The following RYR3 variants were observed in gnomAD, a reference collection of about 807,000 sequenced individuals.
RYR3 encodes the protein brain ryanodine receptor-calcium release channel.
RYR3 carries 207 observed loss-of-function variants against 584.3 expected under a neutral mutation model. The ratio of observed to expected loss-of-function variants is 0.35; its 90% CI spans 0.32 to 0.40. RYR3 has a LOEUF of 0.40. RYR3 is among the 10% of genes least tolerant of loss of function. The probability of loss-of-function intolerance (pLI) is 1.00; values close to 1 mark genes in which losing one functional copy is unlikely to be tolerated. For missense variants in RYR3, 5,616 were observed against 6,089.2 expected, an observed-to-expected ratio of 0.92 and a Z score of 2.59; for synonymous variants, 2,416 against 2,248.5, an observed-to-expected ratio of 1.07 and a Z score of -2.11.
chr15:33,716,977 A>C (rs542996436), intron 43 of RYR3, among the ~76,000 whole-genome samples: 2 of 152,200 alleles, frequency 1.3e-5, no homozygotes, highest in Admixed American at 1.3e-4. Flanking sequence ...GAGAATGCCC[A>C]TATTTTGTCA....
Position 33,426,294 on chromosome 15 carries a change from T to C in RYR3, c.52-47125T>C, listed in dbSNP as rs1015317333. On this transcript the variant is annotated intron_variant, in intron 1 of 103. Transcript: ENST00000634891. ...CTGAGTTGAAAAATGTTAATTTTTT[T>C]TAAGAAAACGTGGCAAATGTGGGCA... Among the ~76,000 whole-genome samples, 6 of 152,344 alleles carry C rather than the reference T, an allele frequency of 3.9e-5. No homozygotes were observed. The South Asian group carries it at 1.2e-3, about 32-fold the overall frequency.
At chr15:33,458,377 T>C (rs2047738195) in intron 1 of RYR3, among the ~76,000 whole-genome samples, 2 of 152,224 alleles carry the variant, frequency 1.3e-5, no homozygotes, top group South Asian at 4.1e-4. Context: ...TGGACCTTGT[T>C]GCTCCTGGTT....
At chr15:33,674,791 GA>G (rs10714497) in intron 38 of RYR3, among the ~76,000 whole-genome samples, 89,608 of 133,510 alleles carry the variant, frequency 0.67, 29,104 homozygotes, top group Non-Finnish European at 0.72. Context: ...CATTTTTAAT[GA>G]AAAAAAAAAA....
Position 33,768,644 on chromosome 15 carries a change from C to A in RYR3, c.8706-14C>A. On this transcript the variant is annotated splice_polypyrimidine_tract_variant and intron_variant, in intron 60 of 103. Transcript: ENST00000634891. Reference sequence around the variant, plus strand: ...TCTCTGTGACTTTCTGAATTGCTTTCTTTTCTGCTTCAGCCTGTTCTGCAA... The same window carrying A: ...TCTCTGTGACTTTCTGAATTGCTTTATTTTCTGCTTCAGCCTGTTCTGCAA... 1 of 1,613,658 alleles carries A rather than the reference C, an allele frequency of 6.2e-7. No homozygotes were observed. The highest frequency in any genetic ancestry group is 8.5e-7 in the Non-Finnish European group (1 of 1,179,576).
chr15:33,420,259 T>C (rs2044144041), intron 1 of RYR3, among the ~76,000 whole-genome samples: 1 of 152,022 alleles, frequency 6.6e-6, no homozygotes, highest in South Asian at 2.1e-4. Context: ...AAAGAAAATA[T>C]AATTGGGTTC....
chr15:33,638,017 C>G (rs1045352110), intron 27 of RYR3, among the ~76,000 whole-genome samples: 1 of 151,988 alleles, frequency 6.6e-6, no homozygotes, highest in African/African-American at 2.4e-5. Context: ...GTGTTCTCAT[C>G]CTTTCAAGGT....
At chr15:33,794,348 A>ACATATATAACATATATATATGTGT (rs369625654) in intron 67 of RYR3, among the ~76,000 whole-genome samples, 29 of 58,314 alleles carry the variant, frequency 5.0e-4, no homozygotes, top group Non-Finnish European at 9.8e-4. Flanking sequence ...TATATATAAA[A>ACATATATAACATATATATATGTGT]ATATATATAT....
chr15:33,839,295 G>A (rs889494582), intron 89 of RYR3, among the ~76,000 whole-genome samples: 6 of 152,182 alleles, frequency 3.9e-5, no homozygotes, highest in East Asian at 3.9e-4. Flanking sequence ...CACAGGAAAC[G>A]AAGAATAACA....
chr15:33,540,185 G>C (rs1342581262), intron 6 of RYR3, among the ~76,000 whole-genome samples: 1 of 152,152 alleles, frequency 6.6e-6, no homozygotes, highest in African/African-American at 2.4e-5. Context: ...ACGTTGTTTA[G>C]CTCTTGTTTA....
At chr15:33,646,299 G>C in intron 28 of RYR3, 52 bp from the exon 29 acceptor site, 1 of 1,500,904 alleles carries the variant, frequency 6.7e-7, no homozygotes, top group Non-Finnish European at 9.0e-7. Context: ...AAGGGACTGG[G>C]TCAAGGTCAG....
intron 3 of RYR3, among the ~76,000 whole-genome samples, chr15:33,520,699 A>G (rs1252199617): frequency 6.6e-6 from 1 of 152,062 alleles, no homozygotes. Context: ...TGCTCTTTTA[A>G]AAGACACCAT....
intron 1 of RYR3, among the ~76,000 whole-genome samples, chr15:33,404,310 G>A (rs774212538): frequency 6.6e-6 from 1 of 152,156 alleles, no homozygotes; most frequent in African/African-American, 2.4e-5. Context: ...TCTTTACAAT[G>A]ATTCTAAACG....
At chr15:33,720,864 A>T (rs2067853862) in intron 43 of RYR3, among the ~76,000 whole-genome samples, 1 of 142,126 alleles carries the variant, frequency 7.0e-6, no homozygotes, top group African/African-American at 2.5e-5. Flanking sequence ...ACAGAGCCAG[A>T]CCCTGTCTCT....
Position 33,453,799 on chromosome 15 carries a change from TG to T in RYR3, c.52-19619del, listed in dbSNP as rs570392655. 1.5e-3 allele frequency among the ~76,000 whole-genome samples: 228 copies of T among 152,284 alleles called. 1 individual carries two copies. The highest frequency in any genetic ancestry group is 5.1e-3 in the African/African-American group (213 of 41,564). On this transcript the variant is annotated intron_variant, in intron 1 of 103. Transcript: ENST00000634891. ...ACTAATGTCTTCCTGTGTTTTCATA[TG>T]AAAAAAAAGTTAATTTACAATCAAG...
intron 60 of RYR3, among the ~76,000 whole-genome samples, chr15:33,765,614 T>C (rs1347245689): frequency 1.9e-5 from 2 of 108,098 alleles, no homozygotes; most frequent in South Asian, 3.0e-4. Flanking sequence ...GCCTCGCCAA[T>C]AGAGTGAGAC....
At chr15:33,341,667 G>A (rs1259769946) in intron 1 of RYR3, among the ~76,000 whole-genome samples, 1 of 152,066 alleles carries the variant, frequency 6.6e-6, no homozygotes, top group African/African-American at 2.4e-5. Flanking sequence ...GTTGTAGGAT[G>A]TTAAAGGCTA....
chr15:33,578,756 A>C (rs2058433701), intron 12 of RYR3, among the ~76,000 whole-genome samples: 1 of 108,496 alleles, frequency 9.2e-6, no homozygotes. Context: ...TGTATCCCAG[A>C]ACTTAGAATA....
intron 23 of RYR3, 69 bp downstream of exon 23, chr15:33,631,362 G>T: frequency 2.8e-6 from 3 of 1,064,992 alleles, no homozygotes; most frequent in Non-Finnish European, 4.2e-6. Context: ...CCAGGAGGGT[G>T]GTACCAAGAC....
At chr15:33,473,735 A>G (rs1438536429) in intron 2 of RYR3, among the ~76,000 whole-genome samples, 197 bp downstream of exon 2, 4 of 152,208 alleles carry the variant, frequency 2.6e-5, no homozygotes, top group Non-Finnish European at 5.9e-5. Context: ...CCAGAGCACT[A>G]TGAAGAATTA....
Sources: allele counts gnomAD v4.1 joint callset (sites outside exome capture counted in the v4.1 genomes callset), GRCh38; gene constraint gnomAD v4.1.1; transcripts MANE v1.5; gene names NCBI Gene and HGNC (gene_info 2026-07-23, HGNC 2026-07-21).